CALHM4: variants seen among roughly 807,000 people sequenced by gnomAD.
The protein encoded by CALHM4 is calcium homeostasis modulator protein 4.
A neutral mutation model predicts 13.3 loss-of-function variants in CALHM4; 16 were observed. That is an observed-to-expected ratio of 1.20 (90% CI 0.81 to 1.82). CALHM4 has a LOEUF of 1.82. Ranked by LOEUF, CALHM4 falls within the 40% of genes most tolerant of loss-of-function variation. The pLI is 0.00. For synonymous variants in CALHM4, 127 were observed against 137.1 expected (o/e 0.93, Z 0.52); for missense variants, 344 against 374.9 (o/e 0.92, Z 0.68).
rs138177650 is a variant in CALHM4, at chr6:116,555,879, A to G, written c.558+1528A>G. ...CCATGTCAATCTGCCTTCTAGATATATGCCAAAAATATCTTTCTAAGTGCA... is the reference window on the plus strand; with the variant it reads ...CCATGTCAATCTGCCTTCTAGATATGTGCCAAAAATATCTTTCTAAGTGCA... On this transcript the variant is annotated intron_variant, in intron 1 of 1. Transcript: ENST00000368596. Among the ~76,000 whole-genome samples the G allele has an allele frequency of 4.1e-3, 632 of 152,344 alleles. 5 individuals carry two copies. The highest frequency in any genetic ancestry group is 0.014 in the African/African-American group (592 of 41,580).
chr6:116,548,647 C>T (rs564197331), intron 2 of CALHM4, among the ~76,000 whole-genome samples: 3 of 152,166 alleles, frequency 2.0e-5, no homozygotes, highest in African/African-American at 4.8e-5. Flanking sequence ...TACAGATGCT[C>T]CTCAACTTGT....
intron 1 of CALHM4, among the ~76,000 whole-genome samples, chr6:116,535,493 A>G (rs1463189095): frequency 6.6e-6 from 1 of 152,200 alleles, no homozygotes; most frequent in African/African-American, 2.4e-5. Flanking sequence ...ATCTCTAATT[A>G]GCTTCTCCTA....
At position 116,553,883 on chromosome 6, in the gene CALHM4, G is replaced by T. The variant is rs749667944; in HGVS notation, c.90G>T (p.Gly30=). ...TAATTGCAGCCTTGACTATTGGTGG[G>T]CAACAACTCTTCTCCTCTTCTACAT... ...NSLIAALTIG[G]QQLFSSSTFS... is the part of the protein sequence containing the mutation. Residue 30 remains glycine (G), a synonymous_variant, in exon 1 of 2, where the codon GGG becomes GGT. Transcript: ENST00000368596. 1.3e-6 allele frequency: 2 copies of T among 1,550,532 alleles called. No homozygotes were observed. Among genetic ancestry groups the T allele is most frequent in the African/African-American group, 2.7e-5 (2 of 73,054 alleles).
At chr6:116,552,591 AT>A (rs1438674339), upstream of CALHM4, among the ~76,000 whole-genome samples, 1 of 152,180 alleles carries the variant, frequency 6.6e-6, no homozygotes, top group Non-Finnish European at 1.5e-5. Flanking sequence ...CCTTTCACTA[AT>A]TATGTATTTA....
chr6:116,550,991 G>A (rs1774052662), upstream of CALHM4, among the ~76,000 whole-genome samples: 2 of 152,088 alleles, frequency 1.3e-5, no homozygotes, highest in Admixed American at 6.5e-5. Context: ...TGGCCAGGTC[G>A]CGGGCACGTA....
In CALHM4 at chr6:116,545,575, G is replaced by A. The variant is rs1287116659; in HGVS notation, c.-1+1703G>A. The A allele has an allele frequency of 6.2e-6, 9 of 1,443,810 alleles. No individual in the cohort carries two copies. In the East Asian group the frequency reaches 1.7e-4, roughly 28 times the overall value. 89.4% of individuals were successfully genotyped at this position (1,443,810 alleles called of 1,614,324 possible). On this transcript the variant is annotated intron_variant, in intron 2 of 2. Coordinates refer to the CALHM4 transcript ENST00000368597. ...CTCTTCTTTTGCCTGTTTCTTAGAGGTGTATCAGTCCATGTCTTTTTGTTT... is the reference window on the plus strand; with the variant it reads ...CTCTTCTTTTGCCTGTTTCTTAGAGATGTATCAGTCCATGTCTTTTTGTTT...
chr6:116,535,376 G>C (rs1372441242), intron 1 of CALHM4, among the ~76,000 whole-genome samples: 1 of 152,184 alleles, frequency 6.6e-6, no homozygotes, highest in African/African-American at 2.4e-5. Flanking sequence ...TCATCTACTG[G>C]TGAGGATCAC....
chr6:116,555,973 C>T (rs1192941417), intron 1 of CALHM4, among the ~76,000 whole-genome samples: 2 of 152,282 alleles, frequency 1.3e-5, no homozygotes, highest in East Asian at 3.9e-4. Context: ...AGCCTAAGAA[C>T]AAACCCACTT....
At position 116,558,293 on chromosome 6, in the gene CALHM4, C is replaced by A; in HGVS notation, c.*82C>A. On this transcript the variant is annotated 3_prime_UTR_variant, in exon 2 of 2. Transcript: ENST00000368596. ...TATGATCAGGCCATTTCAATGTAATCTCTTCATCTTTTTCTTTCTCTCTGA... is the reference window on the plus strand; with the variant it reads ...TATGATCAGGCCATTTCAATGTAATATCTTCATCTTTTTCTTTCTCTCTGA... 3.7e-6 allele frequency: 5 copies of A among 1,367,324 alleles called. No homozygotes were observed. The highest frequency in any genetic ancestry group is 2.3e-5 in the East Asian group (1 of 43,054). The allele number at this position is 1,367,324 out of a possible 1,614,324, so 84.7% of individuals were successfully genotyped here.
At chr6:116,553,030 C>G (rs892288372), upstream of CALHM4, among the ~76,000 whole-genome samples, 1 of 152,142 alleles carries the variant, frequency 6.6e-6, no homozygotes, top group Non-Finnish European at 1.5e-5. Flanking sequence ...GCCGAGATCG[C>G]GCCACTGCAC....
intron 1 of CALHM4, among the ~76,000 whole-genome samples, chr6:116,540,957 T>A (rs1188976228): frequency 6.6e-6 from 1 of 151,888 alleles, no homozygotes; most frequent in African/African-American, 2.4e-5. Context: ...GCAGAAAAAA[T>A]TTTTGTTGCC....
At chr6:116,532,229 G>T (rs1772772237) in intron 1 of CALHM4, among the ~76,000 whole-genome samples, 1 of 151,370 alleles carries the variant, frequency 6.6e-6, no homozygotes, top group South Asian at 2.1e-4. Context: ...GGGTGTAGAT[G>T]TGAAAAGTTC....
chr6:116,540,576 A>G (rs1438920566), intron 1 of CALHM4: 17 of 1,026,940 alleles, frequency 1.7e-5, no homozygotes, highest in African/African-American at 3.2e-5. Context: ...CACAAATCAA[A>G]CCAAATATGA....
intron 1 of CALHM4, chr6:116,543,244 G>T (rs772563060): frequency 6.0e-5 from 77 of 1,291,162 alleles, no homozygotes; most frequent in Non-Finnish European, 7.9e-5. Context: ...GAGGCAGAAA[G>T]AATGCAGGTG....
chr6:116,547,582 A>G (rs1773858735), intron 2 of CALHM4, among the ~76,000 whole-genome samples: 1 of 152,180 alleles, frequency 6.6e-6, no homozygotes, highest in Non-Finnish European at 1.5e-5. Context: ...TTTTCAGTCT[A>G]TGAAACCTGC....
chr6:116,530,709 T>C (rs1475570528), intron 1 of CALHM4, among the ~76,000 whole-genome samples: 1 of 152,012 alleles, frequency 6.6e-6, no homozygotes, highest in Non-Finnish European at 1.5e-5. Context: ...AAGTGTTTGC[T>C]TTCTTTATTA....
At chr6:116,552,406 TG>T (rs1562362923), upstream of CALHM4, among the ~76,000 whole-genome samples, 1 of 152,218 alleles carries the variant, frequency 6.6e-6, no homozygotes, top group Admixed American at 6.5e-5. Flanking sequence ...AACTTTTCTT[TG>T]ATTCTGCAAA....
chr6:116,553,749 T>C, upstream of CALHM4: 1 of 1,511,246 alleles, frequency 6.6e-7, no homozygotes, highest in Non-Finnish European at 8.9e-7. Context: ...TGGAGTCTAA[T>C]GATCAGAAAG....
At chr6:116,549,830 G>C (rs1430507324), upstream of CALHM4, among the ~76,000 whole-genome samples, 1 of 150,858 alleles carries the variant, frequency 6.6e-6, no homozygotes, top group African/African-American at 2.4e-5. Context: ...ACAAAATTTA[G>C]CTGGGCATGG....
Sources: gnomAD v4.1 joint callset for allele counts (sites outside exome capture counted in the v4.1 genomes callset) on GRCh38, gnomAD v4.1.1 for gene constraint, MANE v1.5 for transcripts, NCBI Gene and HGNC (gene_info 2026-07-23, HGNC 2026-07-21) for gene names.